The following MAST1 variants were observed in gnomAD, a reference collection of about 807,000 sequenced individuals.
The protein encoded by MAST1 is microtubule associated serine/threonine kinase 1, also known as microtubule-associated serine/threonine-protein kinase 1.
A neutral mutation model predicts 124.6 loss-of-function variants in MAST1; 40 were observed. The observed-to-expected ratio is 0.32, with a 90% CI of 0.25 to 0.42. The LOEUF is 0.42. Among genes scored for constraint, MAST1 ranks in the 10% least tolerant of loss-of-function variants. The pLI is 1.00. For missense variants in MAST1, 1,558 were observed against 2,181.9 expected, an observed-to-expected ratio of 0.71 and a Z score of 5.70; for synonymous variants, 938 against 939.4, an observed-to-expected ratio of 1.00 and a Z score of 0.03.
Position 12,843,683 on chromosome 19 carries a change from G to A in MAST1, c.327+76G>A. 7.6e-7 allele frequency: 1 copy of A among 1,323,378 alleles called. No individual in the cohort carries two copies. Among genetic ancestry groups the A allele is most frequent in the Non-Finnish European group, 1.1e-6 (1 of 935,788 alleles). 82.0% of individuals were successfully genotyped at this position (1,323,378 alleles called of 1,614,324 possible). A position where few individuals can be genotyped will look rare whatever the true frequency, so the allele number is the denominator to read the frequency against. Reference sequence around the variant, plus strand: ...CCTCCAGCCTGAAGACCCACACCCAGGCCAGCAGTCCAGGCTGGGCTTGAT... The same window carrying A: ...CCTCCAGCCTGAAGACCCACACCCAAGCCAGCAGTCCAGGCTGGGCTTGAT... On this transcript the variant is annotated intron_variant, in intron 4 of 25. Coordinates refer to ENST00000251472, the MANE Select transcript of MAST1 (RefSeq NM_014975.3). This position sits in a 1 kb window ranked among gnomAD's most constrained non-coding sequence, Gnocchi z 4.9.
At position 12,843,777 on chromosome 19, in the gene MAST1, GATTGCT is replaced by G. The variant is rs1225296979; in HGVS notation, c.327+171_327+176del. Among the ~76,000 whole-genome samples the G allele has an allele frequency of 1.3e-5, 2 of 152,270 alleles. No homozygotes were observed. Among genetic ancestry groups the G allele is most frequent in the Non-Finnish European group, 2.9e-5 (2 of 68,010 alleles). ...GTACTTTGGGAGGCCAAGACAGAAG[GATTGCT>G]TGAGCCTAGGAGTTCAAGACCAGTC... On this transcript the variant is annotated intron_variant, in intron 4 of 25. Coordinates refer to ENST00000251472, the MANE Select transcript of MAST1 (RefSeq NM_014975.3). This position sits in a 1 kb window ranked among gnomAD's most constrained non-coding sequence, Gnocchi z 4.9.
In MAST1 at chr19:12,867,507, G is replaced by A. The variant is rs778082563; in HGVS notation, c.2173G>A (p.Glu725Lys). 1.9e-6 allele frequency: 3 copies of A among 1,613,696 alleles called. No homozygotes were observed. The highest frequency in any genetic ancestry group is 2.5e-6 in the Non-Finnish European group (3 of 1,180,008). ...YSSMEQLSQH[E>K]PKTPVAAAGS... ...CAGCATGGAGCAGCTGTCGCAGCAC[G>A]AGCCCAAGACCCCAGTAGCAGCTGC... Residue 725 changes from glutamate (E) to lysine (K), a missense_variant, in exon 19 of 26, where the codon GAG (glutamate) becomes AAG (lysine). By Grantham distance (56) the Glu-to-Lys change is moderately conservative (BLOSUM62 1). Around this residue, in one of 10 missense-constraint regions of MAST1, gnomAD observed 287 missense variants for 308.0 expected, o/e 0.93. Transcript: ENST00000251472.
At chr19:12,842,767 C>A (rs11878818) in intron 3 of MAST1, among the ~76,000 whole-genome samples, 13 of 152,156 alleles carry the variant, frequency 8.5e-5, no homozygotes, top group Middle Eastern at 3.4e-3. Flanking sequence ...GTGTCTGGAA[C>A]GTGCATCTGT....
At position 12,838,885 on chromosome 19, in the gene MAST1, G is replaced by T. The variant is rs1229082276; in HGVS notation, c.83+230G>T. On this transcript the variant is annotated intron_variant, in intron 1 of 25. Transcript: ENST00000251472. This position sits in a 1 kb window ranked among gnomAD's most constrained non-coding sequence, Gnocchi z 4.3. Reference sequence around the variant, plus strand: ...CGCGGGGGGAGGGGGCTGCGCCACTGGGGGTTTGTGGCGCCTTTGTCTGCT... The same window carrying T: ...CGCGGGGGGAGGGGGCTGCGCCACTTGGGGTTTGTGGCGCCTTTGTCTGCT... Among the ~76,000 whole-genome samples, 1 of 151,748 alleles carries T rather than the reference G, an allele frequency of 6.6e-6. No individual in the cohort carries two copies. The highest frequency in any genetic ancestry group is 1.5e-5 in the Non-Finnish European group (1 of 67,884).
In MAST1 at chr19:12,873,816, C is replaced by T; in HGVS notation, c.3659C>T (p.Pro1220Leu). 1 of 1,594,520 alleles carries T rather than the reference C, an allele frequency of 6.3e-7. No homozygotes were observed. The highest frequency in any genetic ancestry group is 8.5e-7 in the Non-Finnish European group (1 of 1,177,298). Residue 1220 changes from proline (P) to leucine (L), a missense_variant, in exon 26 of 26, where the codon CCA (proline) becomes CTA (leucine). Physicochemically the swap from Pro to Leu is moderately conservative, Grantham distance 98 (BLOSUM62 -3). Coordinates refer to ENST00000251472, the MANE Select transcript of MAST1 (RefSeq NM_014975.3). ...TPSPTQASPPPLPGHTVGSSH... is the reference protein window; with the variant it reads ...TPSPTQASPPLLPGHTVGSSH... ...TCCCCCACGCAGGCGTCACCGCCGC[C>T]ACTGCCGGGCCACACGGTGGGCAGC...
Position 12,874,528 on chromosome 19 carries a change from C to A in MAST1, c.4371C>A (p.Ser1457=). The A allele has an allele frequency of 1.3e-6, 2 of 1,526,334 alleles. No individual in the cohort carries two copies. The highest frequency in any genetic ancestry group is 2.5e-5 in the South Asian group (2 of 79,366). The allele number at this position is 1,526,334 out of a possible 1,614,324, so 94.5% of individuals were successfully genotyped here. ...AVVPQPLGAD[S]KGLQEPAPLA... is the part of the protein sequence containing the mutation. The stretch of plus-strand genomic sequence containing the variant: ...TGCCTCAGCCTCTGGGCGCGGACTC[C>A]AAGGGGTTGCAGGAACCCGCACCCC... Residue 1457 remains serine (S), a synonymous_variant, in exon 26 of 26, where the codon TCC becomes TCA. Coordinates refer to ENST00000251472, the MANE Select transcript of MAST1 (RefSeq NM_014975.3). The surrounding 1 kb of genome is among the most constrained non-coding windows in gnomAD (Gnocchi z 6.6).
chr19:12,842,997 T>G (rs1490061553), intron 3 of MAST1, among the ~76,000 whole-genome samples: 2 of 152,088 alleles, frequency 1.3e-5, no homozygotes, highest in Non-Finnish European at 2.9e-5. Flanking sequence ...TCTTCGTGTG[T>G]GTGAAGTGTA....
intron 7 of MAST1, 149 bp downstream of exon 7, chr19:12,848,206 G>A (rs1055600573): frequency 2.9e-6 from 2 of 684,886 alleles, no homozygotes; most frequent in Non-Finnish European, 4.9e-6. Context: ...GGTGGAAGTG[G>A]TCCCTTCCCT....
chr19:12,874,325 C>G lies in MAST1; in HGVS notation c.4168C>G (p.Arg1390Gly). Reference sequence around the variant, plus strand: ...CCTGGAGCGGGACGTCGGCTGCACGCGGCATCAGAGCGTGCAGACGGAGGA... The same window carrying G: ...CCTGGAGCGGGACGTCGGCTGCACGGGGCATCAGAGCGTGCAGACGGAGGA... Reference protein sequence around the residue: ...RTLERDVGCTRHQSVQTEDGT... With the variant: ...RTLERDVGCTGHQSVQTEDGT... The change falls in exon 26 of 26, where the codon CGG (arginine) becomes GGG (glycine). Residue 1390 changes from arginine (R) to glycine (G), a missense_variant. Physicochemically the swap from Arg to Gly is moderately radical, Grantham distance 125. This residue lies in a region of MAST1 where 263 missense variants were observed against 310.9 expected (regional missense o/e 0.85). Coordinates refer to ENST00000251472, the MANE Select transcript of MAST1 (RefSeq NM_014975.3). The surrounding 1 kb of genome is among the most constrained non-coding windows in gnomAD (Gnocchi z 6.6). The G allele has an allele frequency of 1.3e-6, 2 of 1,595,370 alleles. No individual in the cohort carries two copies. The highest frequency in any genetic ancestry group is 1.7e-6 in the Non-Finnish European group (2 of 1,177,248).
At chr19:12,870,663 C>A (rs375201542) in intron 22 of MAST1, among the ~76,000 whole-genome samples, 161 bp from the exon 23 acceptor site, 556 of 128,672 alleles carry the variant, frequency 4.3e-3, no homozygotes, top group Admixed American at 4.8e-3. Flanking sequence ...AGACTCCGTC[C>A]AAAAAAAAAA....
At chr19:12,873,540 C>CGAGCA in intron 25 of MAST1, 29 bp downstream of exon 25, 1 of 1,588,934 alleles carries the variant, frequency 6.3e-7, no homozygotes, top group South Asian at 1.1e-5. Flanking sequence ...GCGCGGGGAC[C>CGAGCA]GAGCAGCGCG....
rs367682332 is a variant in MAST1, at chr19:12,865,358, C to T, written c.1681C>T (p.Arg561Cys). ...GTACATCGCGCCCGAGGTCATCCTG[C>T]GTCAAGGCTACGGCAAGCCAGTGGA... is the stretch of plus-strand genomic sequence containing the variant. The part of the protein sequence containing the change: ...PEYIAPEVIL[R>C]QGYGKPVDWW... The change falls in exon 15 of 26, where the codon CGT becomes TGT. Residue 561 changes from arginine (R) to cysteine (C), a missense_variant. By Grantham distance (180) the Arg-to-Cys change is radical (BLOSUM62 -3). Around this residue, in one of 10 missense-constraint regions of MAST1, gnomAD observed 145 missense variants for 350.0 expected, o/e 0.41. Transcript: ENST00000251472. This position sits in a 1 kb window ranked among gnomAD's most constrained non-coding sequence, Gnocchi z 7.1. 2.1e-5 allele frequency: 34 copies of T among 1,609,554 alleles called. No homozygotes were observed. Among genetic ancestry groups the T allele is most frequent in the Admixed American group, 5.1e-5 (3 of 59,344 alleles).
intron 10 of MAST1, 47 bp downstream of exon 10, chr19:12,852,442 C>G: frequency 6.8e-7 from 1 of 1,478,584 alleles, no homozygotes; most frequent in African/African-American, 1.4e-5. Context: ...CCTGGGAGGG[C>G]AGGGTGGGGC....
chr19:12,865,566 G>T lies in MAST1; in HGVS notation c.1804+85G>T. The T allele has an allele frequency of 3.3e-6, 5 of 1,514,864 alleles. No homozygotes were observed. In the South Asian group the frequency reaches 6.5e-5, roughly 20 times the overall value. 93.8% of individuals were successfully genotyped at this position (1,514,864 alleles called of 1,614,324 possible). On this transcript the variant is annotated intron_variant, in intron 15 of 25. Transcript: ENST00000251472. This position sits in a 1 kb window ranked among gnomAD's most constrained non-coding sequence, Gnocchi z 7.1. ...TCAGGGTTCCAGGGATTTCAAAAGC[G>T]ACCCCCCAGAGGATCGCTTGCACTC...
At chr19:12,869,824 G>T (rs545123990) in intron 22 of MAST1, among the ~76,000 whole-genome samples, 1 of 151,728 alleles carries the variant, frequency 6.6e-6, no homozygotes, top group Non-Finnish European at 1.5e-5. Context: ...AGGCTGAGGT[G>T]GGCAGATCAC....
chr19:12,865,677 A>G lies in MAST1; in HGVS notation c.1805-40A>G. ...TGAGATCCTGTGTCCAAACAACAAC[A>G]ACAACAAAAACCGCCCCTAAGTTCC... On this transcript the variant is annotated intron_variant, in intron 15 of 25. Coordinates refer to ENST00000251472, the MANE Select transcript of MAST1 (RefSeq NM_014975.3). This position sits in a 1 kb window ranked among gnomAD's most constrained non-coding sequence, Gnocchi z 7.1. 3 of 1,551,946 alleles carry G rather than the reference A, an allele frequency of 1.9e-6. No homozygotes were observed. Among genetic ancestry groups the G allele is most frequent in the Non-Finnish European group, 2.6e-6 (3 of 1,134,626 alleles).
rs1841942407 is a variant in MAST1 at position 12,874,481 on chromosome 19, C to G, written c.4324C>G (p.Arg1442Gly). Residue 1442 changes from arginine to glycine, a missense_variant, in exon 26 of 26, where the codon CGG becomes GGG. This residue lies in a region of MAST1 where 263 missense variants were observed against 310.9 expected (regional missense o/e 0.85). Coordinates refer to ENST00000251472, the MANE Select transcript of MAST1 (RefSeq NM_014975.3). The surrounding 1 kb of genome is among the most constrained non-coding windows in gnomAD (Gnocchi z 6.6). ...GGTACCCATTGTCGTAGAGCCTGCGCGGCCCGGGGCTAAGGCTGTGGTGCC... is the reference window on the plus strand; with the variant it reads ...GGTACCCATTGTCGTAGAGCCTGCGGGGCCCGGGGCTAAGGCTGTGGTGCC... ...PLVPIVVEPA[R>G]PGAKAVVPQP... 6.4e-7 allele frequency: 1 copy of G among 1,571,030 alleles called. No individual in the cohort carries two copies. Among genetic ancestry groups the G allele is most frequent in the South Asian group, 1.1e-5 (1 of 88,094 alleles).
Position 12,847,457 on chromosome 19 carries a change from A to C in MAST1, c.488+7A>C. The C allele has an allele frequency of 6.2e-7, 1 of 1,613,432 alleles. No individual in the cohort carries two copies. Among genetic ancestry groups the C allele is most frequent in the South Asian group, 1.1e-5 (1 of 91,056 alleles). ...CCCGCTCACGGAGCCTCAGGTGGGC[A>C]GGCATCCCTCCTCCTTCGTACCAAG... is the stretch of plus-strand genomic sequence containing the variant. On this transcript the variant is annotated splice_region_variant and intron_variant, in intron 5 of 25. Coordinates refer to ENST00000251472, the MANE Select transcript of MAST1 (RefSeq NM_014975.3). This position sits in a 1 kb window ranked among gnomAD's most constrained non-coding sequence, Gnocchi z 5.5.
chr19:12,868,782 T>C lies in MAST1; in HGVS notation c.2706T>C (p.Pro902=), dbSNP rs970809584. 6.2e-7 allele frequency: 1 copy of C among 1,609,640 alleles called. No individual in the cohort carries two copies. ...GGGATGTGGCAGTAGAGAAGAGGCC[T>C]TCTCGAACTGGGGGCAAAGTCATCA... ...MSGDVAVEKR[P]SRTGGKVIKS... is the part of the protein sequence containing the mutation. The change falls in exon 21 of 26, where the codon CCT becomes CCC. Residue 902 remains proline, a synonymous_variant. Transcript: ENST00000251472.
Sources: gnomAD v4.1 joint callset for allele counts (sites outside exome capture counted in the v4.1 genomes callset) on GRCh38, gnomAD v4.1.1 for gene constraint, gnomAD v4.1.1 regional missense constraint, Gnocchi (gnomAD v3.1) non-coding constraint, MANE v1.5 for transcripts, NCBI Gene and HGNC (gene_info 2026-07-23, HGNC 2026-07-21) for gene names.